ARID1B: variants seen among roughly 807,000 people sequenced by gnomAD.
ARID1B encodes the protein AT-rich interaction domain 1B.
In ARID1B, 30 loss-of-function variants were observed where a neutral mutation model predicts 212.3. That is an observed-to-expected ratio of 0.14 (90% CI 0.11 to 0.19). The LOEUF is 0.19. ARID1B is among the 10% of genes least tolerant of loss of function. The pLI, the probability that ARID1B is intolerant of heterozygous loss-of-function variation, is 1.00. For synonymous variants in ARID1B, 1,402 were observed against 1,301.7 expected, an observed-to-expected ratio of 1.08 and a Z score of -1.66; for missense variants, 2,891 against 3,204.0, an observed-to-expected ratio of 0.90 and a Z score of 2.36.
intron 1 of ARID1B, among the ~76,000 whole-genome samples, chr6:156,797,168 T>C (rs1562392026): frequency 1.3e-5 from 2 of 152,112 alleles, no homozygotes; most frequent in African/African-American, 4.8e-5. Context: ...GGCAGAGTGT[T>C]CTAGGGGCTG....
At chr6:157,099,695 TA>T (rs1785930815) in intron 5 of ARID1B, among the ~76,000 whole-genome samples, 1 of 152,188 alleles carries the variant, frequency 6.6e-6, no homozygotes, top group African/African-American at 2.4e-5. Context: ...CCTTTATAGC[TA>T]ATCTATCTTC....
At position 157,176,671 on chromosome 6, in the gene ARID1B, C is replaced by T. The variant is rs139887916; in HGVS notation, c.3504+1666C>T. On this transcript the variant is annotated intron_variant, in intron 11 of 19. Transcript: ENST00000636930. ...GACCAGCCTGGCCAACATGGTGAAACCTTGTCTCTACTAAAAATACAAAAA... is the reference window on the plus strand; with the variant it reads ...GACCAGCCTGGCCAACATGGTGAAATCTTGTCTCTACTAAAAATACAAAAA... Among the ~76,000 whole-genome samples, 262 of 152,254 alleles carry T rather than the reference C, an allele frequency of 1.7e-3. 3 individuals carry two copies. The highest frequency in any genetic ancestry group is 5.9e-3 in the African/African-American group (246 of 41,540).
In ARID1B at chr6:156,778,048, C is replaced by T. The variant is rs1210872756; in HGVS notation, c.368C>T (p.Ser123Phe). 3 of 1,537,000 alleles carry T rather than the reference C, an allele frequency of 2.0e-6. No homozygotes were observed. The highest frequency in any genetic ancestry group is 1.2e-5 in the South Asian group (1 of 83,930). The stretch of plus-strand genomic sequence containing the variant: ...GCCGCGCTGTCCTCCTCCTCCTCCT[C>T]CTCCGCGGCGGCAGCGGCGGCATCC... The part of the protein sequence containing the change: ...SAAALSSSSS[S>F]SAAAAAASSS... The change falls in exon 1 of 20, where the codon TCC becomes TTC. Residue 123 changes from serine to phenylalanine, a missense_variant. Around this residue, in one of 7 missense-constraint regions of ARID1B, gnomAD observed 1,643 missense variants for 1,544.0 expected, o/e 1.06. Transcript: ENST00000636930.
intron 4 of ARID1B, among the ~76,000 whole-genome samples, chr6:157,035,190 TATG>T (rs895735475): frequency 3.3e-5 from 5 of 152,244 alleles, no homozygotes; most frequent in South Asian, 2.1e-4. Context: ...CTTTTTATAA[TATG>T]ATAAAATATG....
At chr6:157,194,588 T>C (rs1202035478) in intron 15 of ARID1B, 1 of 152,246 alleles carries the variant, frequency 6.6e-6, no homozygotes, top group African/African-American at 2.4e-5. Flanking sequence ...GATGCTAATT[T>C]GCATGTACTA....
At chr6:157,037,203 T>C (rs536554187) in intron 4 of ARID1B, among the ~76,000 whole-genome samples, 93 of 152,346 alleles carry the variant, frequency 6.1e-4, no homozygotes, top group Non-Finnish European at 1.1e-3. Flanking sequence ...TGTAAGATGT[T>C]ATCAGAGTGC....
chr6:156,951,180 TG>T (rs1425084746), intron 4 of ARID1B, among the ~76,000 whole-genome samples: 1 of 152,214 alleles, frequency 6.6e-6, no homozygotes. Flanking sequence ...TATCCTATGA[TG>T]TTTTTATATA....
intron 4 of ARID1B, among the ~76,000 whole-genome samples, chr6:156,961,383 C>T (rs1794362780): frequency 1.3e-5 from 2 of 152,214 alleles, no homozygotes; most frequent in Admixed American, 6.5e-5. Flanking sequence ...AATCACCGGT[C>T]AGGCTGTTAA....
intron 1 of ARID1B, among the ~76,000 whole-genome samples, chr6:156,784,137 T>C (rs1199264969): frequency 6.6e-6 from 1 of 152,096 alleles, no homozygotes; most frequent in Non-Finnish European, 1.5e-5. Context: ...TAGGCCTTTT[T>C]GGGATTGGGT....
intron 4 of ARID1B, among the ~76,000 whole-genome samples, chr6:157,035,818 T>C (rs1781292566): frequency 6.6e-6 from 1 of 152,228 alleles, no homozygotes; most frequent in African/African-American, 2.4e-5. Context: ...GACAATTTGC[T>C]TCCTTGTTTC....
chr6:157,159,190 T>C (rs943887484), intron 8 of ARID1B, among the ~76,000 whole-genome samples: 1 of 152,206 alleles, frequency 6.6e-6, no homozygotes, highest in South Asian at 2.1e-4. Flanking sequence ...CTTCACAGTA[T>C]TGAGGTTCAT....
At chr6:156,847,615 T>C (rs921808696) in intron 2 of ARID1B, among the ~76,000 whole-genome samples, 17 of 152,196 alleles carry the variant, frequency 1.1e-4, no homozygotes, top group African/African-American at 4.1e-4. Context: ...AGAGCAGATA[T>C]ATTTTAATGA....
chr6:157,025,344 T>C (rs1037072211), intron 4 of ARID1B, among the ~76,000 whole-genome samples: 2 of 152,230 alleles, frequency 1.3e-5, no homozygotes, highest in African/African-American at 2.4e-5. Flanking sequence ...TTTCTGAGCA[T>C]TGTGGATGGA....
At chr6:156,997,656 C>A (rs1778671155) in intron 4 of ARID1B, among the ~76,000 whole-genome samples, 1 of 143,246 alleles carries the variant, frequency 7.0e-6, no homozygotes, top group Non-Finnish European at 1.5e-5. Context: ...TGCATTTTAA[C>A]TTGTTTTTTT....
intron 4 of ARID1B, among the ~76,000 whole-genome samples, chr6:157,015,463 G>T (rs556496558): frequency 6.6e-6 from 1 of 152,336 alleles, no homozygotes; most frequent in South Asian, 2.1e-4. Context: ...CTAAGACACA[G>T]ATTTGGGATT....
At chr6:156,860,062 G>GT (rs1259968438) in intron 2 of ARID1B, among the ~76,000 whole-genome samples, 2 of 152,182 alleles carry the variant, frequency 1.3e-5, no homozygotes, top group Non-Finnish European at 2.9e-5. Context: ...CAGTCAGTTT[G>GT]TTAGTGGATA....
chr6:156,783,129 C>G (rs1196051615), intron 1 of ARID1B, among the ~76,000 whole-genome samples: 1 of 151,862 alleles, frequency 6.6e-6, no homozygotes, highest in Admixed American at 6.6e-5. Flanking sequence ...TGCTTTGGCT[C>G]TGCTTGTCTA....
chr6:156,844,379 C>G (rs971304290), intron 2 of ARID1B, among the ~76,000 whole-genome samples: 2 of 152,188 alleles, frequency 1.3e-5, no homozygotes, highest in African/African-American at 4.8e-5. Context: ...CAGTATGTCT[C>G]TAAACATTGT....
intron 2 of ARID1B, among the ~76,000 whole-genome samples, chr6:156,829,954 T>C (rs1783029614): frequency 6.6e-6 from 1 of 152,254 alleles, no homozygotes. Flanking sequence ...GAGGATTTGA[T>C]GTGCATCTGT....
Sources: allele counts gnomAD v4.1 joint callset (sites outside exome capture counted in the v4.1 genomes callset), GRCh38; gene constraint gnomAD v4.1.1; regional missense constraint gnomAD v4.1.1; transcripts MANE v1.5; gene names NCBI Gene and HGNC (gene_info 2026-07-23, HGNC 2026-07-21).